Variants in TAPT1 observed in about 807,000 individuals in gnomAD.
The protein encoded by TAPT1 is transmembrane anterior posterior transformation 1, also known as transmembrane anterior posterior transformation protein 1 homolog.
Under a neutral mutation model 65.6 loss-of-function variants are expected in TAPT1, and 28 were observed. The observed-to-expected ratio is 0.43, with a 90% confidence interval of 0.32 to 0.59. The LOEUF (loss-of-function observed/expected upper bound fraction) is 0.59, where lower values mean the gene tolerates loss of function less well. Among genes scored for constraint, TAPT1 ranks in the 20% least tolerant of loss-of-function variants. The pLI, the probability that TAPT1 is intolerant of heterozygous loss-of-function variation, is 0.09. For synonymous variants in TAPT1, 278 were observed against 245.2 expected, an observed-to-expected ratio of 1.13 and a Z score of -1.25; for missense variants, 563 against 679.9, an observed-to-expected ratio of 0.83 and a Z score of 1.91.
At position 16,174,346 on chromosome 4, in the gene TAPT1, T is replaced by C. The variant is rs1748193237; in HGVS notation, c.1168-74A>G. The C allele has an allele frequency of 6.2e-6, 8 of 1,299,008 alleles. No homozygotes were observed. In the South Asian group the frequency reaches 9.3e-5, roughly 15 times the overall value. The allele number at this position is 1,299,008 out of a possible 1,614,324, so 80.5% of individuals were successfully genotyped here. A position where few individuals can be genotyped will look rare whatever the true frequency, so the allele number is the denominator to read the frequency against. On this transcript the variant is annotated intron_variant, in intron 10 of 13. Transcript: ENST00000405303. ...CATTTTAAAAGTACTATTCACTTATTACCAGCAAATGTTCTAAACAGGTGA... is the reference window on the plus strand; with the variant it reads ...CATTTTAAAAGTACTATTCACTTATCACCAGCAAATGTTCTAAACAGGTGA...
chr4:16,166,785 G>C lies in TAPT1; in HGVS notation c.1322C>G (p.Ser441Cys), dbSNP rs935776529. The C allele has an allele frequency of 2.5e-6, 4 of 1,613,482 alleles. No homozygotes were observed. Among genetic ancestry groups the C allele is most frequent in the African/African-American group, 1.3e-5 (1 of 74,882 alleles). The change falls in exon 13 of 14, where the codon TCC becomes TGC. Residue 441 changes from serine (S) to cysteine (C), a missense_variant. Physicochemically the swap from Ser to Cys is moderately radical, Grantham distance 112 (BLOSUM62 -1). Transcript: ENST00000405303. ...CACGATGCTATTAAGTACTTTCAGGGATATCAACCTAAAAACAGAAACAAA... is the reference window on the plus strand; with the variant it reads ...CACGATGCTATTAAGTACTTTCAGGCATATCAACCTAAAAACAGAAACAAA... ...CVILFYFGLI[S>C]LKVLNSIVLL...
In TAPT1 at chr4:16,161,112, CAAGGCCGAGCCTA is replaced by C. The variant is rs572255043; in HGVS notation, c.*2183_*2195del. Reference sequence around the variant, plus strand: ...TGAGAAATATTAAATGGTCTATAATCAAGGCCGAGCCTATTTTTTCCAAAGACAAAATTAAACA... The same window carrying C: ...TGAGAAATATTAAATGGTCTATAATCTTTTTTCCAAAGACAAAATTAAACA... On this transcript the variant is annotated 3_prime_UTR_variant, in exon 14 of 14. Coordinates refer to ENST00000405303, the MANE Select transcript of TAPT1 (RefSeq NM_153365.3). 8.4e-4 allele frequency: 129 copies of C among 152,722 alleles called. 2 individuals are homozygous for C. Among genetic ancestry groups the C allele is most frequent in the African/African-American group, 3.0e-3 (125 of 41,552 alleles). The allele number at this position is 152,722 out of a possible 1,614,324, so 9.5% of individuals were successfully genotyped here.
intron 2 of TAPT1, among the ~76,000 whole-genome samples, chr4:16,208,689 C>T (rs544506965): frequency 6.6e-6 from 1 of 152,224 alleles, no homozygotes; most frequent in African/African-American, 2.4e-5. Flanking sequence ...ACAACTGAGA[C>T]CTCTTTTCTT....
At chr4:16,206,274 T>C (rs187184847) in intron 2 of TAPT1, among the ~76,000 whole-genome samples, 34 of 152,370 alleles carry the variant, frequency 2.2e-4, no homozygotes, top group Admixed American at 1.8e-3. Context: ...TTTTAATTTG[T>C]AGGACTATGC....
Position 16,191,497 on chromosome 4 carries a change from T to TG in TAPT1, c.475dup (p.Gln159ProfsTer4). 6 of 1,561,928 alleles carry TG rather than the reference T, an allele frequency of 3.8e-6. No homozygotes were observed. The highest frequency in any genetic ancestry group is 5.2e-6 in the Non-Finnish European group (6 of 1,152,404). Reference sequence around the variant, plus strand: ...GACACCCTTCAAAATGTCACACACCTGGGCAGGCTGAAGCAAACGTCTGTC... The same window carrying TG: ...GACACCCTTCAAAATGTCACACACCTGGGGCAGGCTGAAGCAAACGTCTGTC... On this transcript the variant is annotated frameshift_variant, in exon 4 of 14. Transcript: ENST00000405303. LOFTEE classifies it high-confidence loss of function.
At chr4:16,192,326 T>C (rs1196030531) in intron 3 of TAPT1, among the ~76,000 whole-genome samples, 2 of 152,200 alleles carry the variant, frequency 1.3e-5, no homozygotes, top group Non-Finnish European at 2.9e-5. Context: ...CACAGTGTAG[T>C]TTCACCGTTA....
chr4:16,213,519 T>C (rs1297637630), intron 2 of TAPT1, among the ~76,000 whole-genome samples: 3 of 152,234 alleles, frequency 2.0e-5, no homozygotes, highest in Non-Finnish European at 4.4e-5. Context: ...GTTATTTTGA[T>C]GTAGCACACA....
At chr4:16,173,764 A>G (rs1748154348) in intron 11 of TAPT1, among the ~76,000 whole-genome samples, 1 of 152,232 alleles carries the variant, frequency 6.6e-6, no homozygotes, top group South Asian at 2.1e-4. Context: ...TGTGTCTTTT[A>G]TAACTATTTC....
intron 13 of TAPT1, among the ~76,000 whole-genome samples, chr4:16,164,333 A>G (rs914868768): frequency 6.6e-6 from 1 of 151,972 alleles, no homozygotes; most frequent in African/African-American, 2.4e-5. Context: ...TGTCTCTTTT[A>G]CAACGTGATG....
intron 2 of TAPT1, 53 bp downstream of exon 2, chr4:16,213,715 A>C: frequency 6.8e-7 from 1 of 1,465,626 alleles, no homozygotes. Context: ...TGCATAATTA[A>C]TACTTTGACA....
intron 7 of TAPT1, chr4:16,183,254 A>G (rs761354482): frequency 6.6e-6 from 1 of 152,196 alleles, no homozygotes; most frequent in Non-Finnish European, 1.5e-5. Context: ...CTTAAAGGGT[A>G]CAATGCGGAC....
Position 16,226,261 on chromosome 4 carries a change from G to A in TAPT1, c.197C>T (p.Thr66Ile), listed in dbSNP as rs1751554581. Residue 66 changes from threonine to isoleucine, a missense_variant and splice_region_variant, in exon 1 of 14, where the codon ACA becomes ATA. Thr to Ile is a moderately conservative substitution (Grantham distance 89). This residue lies in a region of TAPT1 where 103 missense variants were observed against 89.4 expected (regional missense o/e 1.15). Transcript: ENST00000405303. ...CGGCCTAGCGCCGCCCGCCTCACCT[G>A]TGCGGCCCCGGCGCCTCTCCCGCCG... The part of the protein sequence containing the change: ...DRRRERRRGR[T>I]ELSLLRFLSA... The A allele has an allele frequency of 1.8e-6, 2 of 1,122,090 alleles. No homozygotes were observed. The highest frequency in any genetic ancestry group is 1.7e-5 in the African/African-American group (1 of 60,026). The allele number at this position is 1,122,090 out of a possible 1,614,324, so 69.5% of individuals were successfully genotyped here. A position where few individuals can be genotyped will look rare whatever the true frequency, so the allele number is the denominator to read the frequency against.
At chr4:16,184,721 T>C (rs975217936) in intron 7 of TAPT1, among the ~76,000 whole-genome samples, 1 of 152,226 alleles carries the variant, frequency 6.6e-6, no homozygotes. Context: ...TCCCTAATAA[T>C]GCCGAGCAGC....
chr4:16,201,899 C>T (rs940311599), intron 3 of TAPT1, among the ~76,000 whole-genome samples: 1 of 152,186 alleles, frequency 6.6e-6, no homozygotes, highest in African/African-American at 2.4e-5. Context: ...GTCGGGCTCT[C>T]TGATCTTCCC....
intron 11 of TAPT1, among the ~76,000 whole-genome samples, chr4:16,173,150 C>T (rs981293831): frequency 2.0e-5 from 3 of 152,010 alleles, no homozygotes; most frequent in East Asian, 1.9e-4. Context: ...ATGTTAGAAT[C>T]GGTAGTCAAG....
At chr4:16,185,701 T>C (rs770797439) in intron 7 of TAPT1, among the ~76,000 whole-genome samples, 2 of 152,010 alleles carry the variant, frequency 1.3e-5, no homozygotes, top group Non-Finnish European at 2.9e-5. Context: ...TGTAAAAGGG[T>C]TCTCAGGACC....
intron 1 of TAPT1, among the ~76,000 whole-genome samples, chr4:16,219,557 T>C (rs1261320998): frequency 8.5e-5 from 13 of 152,240 alleles, no homozygotes; most frequent in Non-Finnish European, 1.6e-4. Flanking sequence ...AAAGAAATAC[T>C]AACCACAACA....
chr4:16,211,881 C>G (rs1018062775), intron 2 of TAPT1, among the ~76,000 whole-genome samples: 2 of 152,172 alleles, frequency 1.3e-5, no homozygotes, highest in African/African-American at 2.4e-5. Flanking sequence ...TTAGTCTCAT[C>G]AAGACATAAG....
Position 16,163,429 on chromosome 4 carries a change from G to T in TAPT1, c.1583C>A (p.Thr528Lys). 6.2e-7 allele frequency: 1 copy of T among 1,613,894 alleles called. No homozygotes were observed. Among genetic ancestry groups the T allele is most frequent in the Non-Finnish European group, 8.5e-7 (1 of 1,179,848 alleles). Reference sequence around the variant, plus strand: ...GTCCTTCTCGTCACCATCTGGAGTTGTCAAAAACTGATCAGAATTGCTTGT... The same window carrying T: ...GTCCTTCTCGTCACCATCTGGAGTTTTCAAAAACTGATCAGAATTGCTTGT... ...LVTSNSDQFLTTPDGDEKDIT... is the reference protein window; with the variant it reads ...LVTSNSDQFLKTPDGDEKDIT... The change falls in exon 14 of 14, where the codon ACA becomes AAA. Residue 528 changes from threonine (T) to lysine (K), a missense_variant. Coordinates refer to ENST00000405303, the MANE Select transcript of TAPT1 (RefSeq NM_153365.3).
Sources: gnomAD v4.1 joint callset for allele counts (sites outside exome capture counted in the v4.1 genomes callset) on GRCh38, gnomAD v4.1.1 for gene constraint, gnomAD v4.1.1 regional missense constraint, MANE v1.5 for transcripts, NCBI Gene and HGNC (gene_info 2026-07-23, HGNC 2026-07-21) for gene names.